Variants in CNOT10 observed in about 807,000 individuals in gnomAD.
CNOT10 encodes CCR4-NOT transcription complex, subunit 10.
In CNOT10, 30 loss-of-function variants were observed where a neutral mutation model predicts 94.6. The ratio of observed to expected loss-of-function variants is 0.32; its 90% CI spans 0.24 to 0.43. CNOT10 has a LOEUF of 0.43. Ranked by LOEUF, CNOT10 falls within the 20% of genes least tolerant of loss-of-function variation. The pLI is 1.00. For synonymous variants in CNOT10, 289 were observed against 301.6 expected (o/e 0.96, Z 0.43); for missense variants, 759 against 877.2 (o/e 0.87, Z 1.70).
intron 12 of CNOT10, among the ~76,000 whole-genome samples, chr3:32,735,223 C>G (rs1023567910): frequency 1.3e-5 from 2 of 152,122 alleles, no homozygotes; most frequent in Admixed American, 6.6e-5. Context: ...GACGCAGTGG[C>G]TCATGCCTGC....
rs561762648 is a variant in CNOT10, at chr3:32,754,022, C to T, written c.1596-5436C>T. ...CACCAAGGCAGGAGAATTGCTTGAACCCAGGAGGCGGAGGTTGCAGTGAGC... is the reference window on the plus strand; with the variant it reads ...CACCAAGGCAGGAGAATTGCTTGAATCCAGGAGGCGGAGGTTGCAGTGAGC... On this transcript the variant is annotated intron_variant, in intron 13 of 18. Transcript: ENST00000328834. 1.2e-5 allele frequency: 6 copies of T among 505,066 alleles called. No homozygotes were observed. In the South Asian group the frequency reaches 1.5e-4, roughly 13 times the overall value. The allele number at this position is 505,066 out of a possible 1,614,324, so 31.3% of individuals were successfully genotyped here.
At chr3:32,749,112 G>A (rs1243576227) in intron 13 of CNOT10, among the ~76,000 whole-genome samples, 4 of 152,128 alleles carry the variant, frequency 2.6e-5, no homozygotes, top group Admixed American at 6.5e-5. Context: ...ATGAGCCAAC[G>A]CATCCGGCCA....
At chr3:32,708,543 G>GT (rs1365211930) in intron 3 of CNOT10, 127 bp from the exon 4 acceptor site, 91 of 730,676 alleles carry the variant, frequency 1.2e-4, no homozygotes, top group Non-Finnish European at 1.8e-4. Context: ...TAAAGATACT[G>GT]TTGAAAGTAT....
chr3:32,768,650 G>A (rs1040736356), intron 17 of CNOT10, among the ~76,000 whole-genome samples: 15 of 152,116 alleles, frequency 9.9e-5, no homozygotes, highest in Non-Finnish European at 2.1e-4. Flanking sequence ...AGAAAGCTAG[G>A]CTTAGATATA....
Position 32,769,909 on chromosome 3 carries a change from A to G in CNOT10, c.2027A>G (p.Lys676Arg). The G allele has an allele frequency of 6.2e-7, 1 of 1,613,948 alleles. No individual in the cohort carries two copies. The highest frequency in any genetic ancestry group is 8.5e-7 in the Non-Finnish European group (1 of 1,179,920). ...LHQAASMIHP[K>R]EVPPEAILLA... ...AAGGCGGCTTCAATGATCCATCCTA[A>G]AGAGGTGCCCCCTGAGGCCATCTTG... Residue 676 changes from lysine (K) to arginine (R), a missense_variant, in exon 18 of 19, where the codon AAA (lysine) becomes AGA (arginine). Coordinates refer to ENST00000328834, the MANE Select transcript of CNOT10 (RefSeq NM_015442.3).
chr3:32,740,226 C>T (rs191633069), intron 13 of CNOT10, among the ~76,000 whole-genome samples: 7 of 151,970 alleles, frequency 4.6e-5, no homozygotes, highest in Admixed American at 1.3e-4. Context: ...TTTGGGAGGC[C>T]GAGGTGGGCG....
rs74334482 is a variant in CNOT10, at chr3:32,765,018, A to T, written c.2004+209A>T. 9.5e-6 allele frequency: 14 copies of T among 1,480,120 alleles called. No individual in the cohort carries two copies. The South Asian group carries it at 9.7e-5, about 10-fold the overall frequency. The allele number at this position is 1,480,120 out of a possible 1,614,324, so 91.7% of individuals were successfully genotyped here. On this transcript the variant is annotated intron_variant, in intron 17 of 18. Coordinates refer to ENST00000328834, the MANE Select transcript of CNOT10 (RefSeq NM_015442.3). ...ACTTAAAGGAAAGTTCTTCTTGATGATTTTATTTTAAAAAAAATTTTTTTT... is the reference window on the plus strand; with the variant it reads ...ACTTAAAGGAAAGTTCTTCTTGATGTTTTTATTTTAAAAAAAATTTTTTTT...
At chr3:32,739,366 A>G (rs568331612) in intron 13 of CNOT10, among the ~76,000 whole-genome samples, 2 of 151,970 alleles carry the variant, frequency 1.3e-5, no homozygotes, top group Non-Finnish European at 2.9e-5. Flanking sequence ...TTATTCTTCT[A>G]CTAACTCTGG....
chr3:32,737,466 GA>G lies in CNOT10; in HGVS notation c.1575del (p.Lys525AsnfsTer4). 2 of 1,610,182 alleles carry G rather than the reference GA, an allele frequency of 1.2e-6. No homozygotes were observed. The highest frequency in any genetic ancestry group is 1.7e-6 in the Non-Finnish European group (2 of 1,176,982). On this transcript the variant is annotated frameshift_variant, in exon 13 of 19. Transcript: ENST00000328834. LOFTEE classifies it high-confidence loss of function. ...FIPAPPSSPLRKQELENLKCS... is the reference protein window; with the variant it reads ...FIPAPPSSPLXKQELENLKCS... ...CCAGCTCCACCTTCTTCTCCATTGA[GA>G]AAACAGGAATTAGAAAACTTAAAGT...
intron 13 of CNOT10, among the ~76,000 whole-genome samples, chr3:32,747,282 C>T (rs1699741889): frequency 6.6e-6 from 1 of 151,680 alleles, no homozygotes; most frequent in Admixed American, 6.6e-5. Context: ...AGCGGGTGTA[C>T]TGGCGCATGC....
At chr3:32,724,692 G>A (rs1281307751) in intron 8 of CNOT10, among the ~76,000 whole-genome samples, 4 of 151,810 alleles carry the variant, frequency 2.6e-5, no homozygotes, top group Non-Finnish European at 4.4e-5. Flanking sequence ...GATTACAGGC[G>A]TGAGCCACTG....
At chr3:32,710,570 A>G (rs150757468) in intron 4 of CNOT10, among the ~76,000 whole-genome samples, 1 of 152,264 alleles carries the variant, frequency 6.6e-6, no homozygotes, top group African/African-American at 2.4e-5. Flanking sequence ...TATTCATTAT[A>G]GTATCATACA....
intron 1 of CNOT10, among the ~76,000 whole-genome samples, chr3:32,702,258 G>A (rs918932170): frequency 2.0e-5 from 3 of 152,156 alleles, no homozygotes; most frequent in Non-Finnish European, 4.4e-5. Context: ...ATCACGCCCA[G>A]CCAACAGTGA....
intron 15 of CNOT10, among the ~76,000 whole-genome samples, chr3:32,763,606 C>T (rs1373269774): frequency 4.6e-5 from 7 of 151,242 alleles, no homozygotes; most frequent in East Asian, 2.0e-4. Context: ...GCCAAGATCA[C>T]GCCACTGCAC....
chr3:32,704,737 A>G (rs1489975628), intron 2 of CNOT10, 74 bp from the exon 3 acceptor site: 1 of 1,432,982 alleles, frequency 7.0e-7, no homozygotes, highest in South Asian at 1.4e-5. Context: ...TGAATGAAAT[A>G]TATTTGGAAT....
intron 9 of CNOT10, among the ~76,000 whole-genome samples, chr3:32,726,909 T>C (rs1332930732): frequency 7.0e-6 from 1 of 143,650 alleles, no homozygotes; most frequent in Non-Finnish European, 1.5e-5. Context: ...TGCAGTGGCG[T>C]GATCTTGGCT....
intron 13 of CNOT10, among the ~76,000 whole-genome samples, chr3:32,749,059 T>C (rs942559715): frequency 6.6e-6 from 1 of 152,156 alleles, no homozygotes; most frequent in African/African-American, 2.4e-5. Context: ...TGACCTCAGG[T>C]GATCCACCTG....
intron 7 of CNOT10, among the ~76,000 whole-genome samples, chr3:32,718,477 G>A (rs1017337796): frequency 9.4e-5 from 14 of 149,696 alleles, no homozygotes; most frequent in African/African-American, 1.2e-4. Context: ...CCAGCTACTC[G>A]GGAGGCTGAG....
intron 1 of CNOT10, chr3:32,695,519 A>G: frequency 1.4e-6 from 2 of 1,470,896 alleles, no homozygotes; most frequent in African/African-American, 1.4e-5. Flanking sequence ...AACATTCTGT[A>G]TTGGAATGTG....
Sources: gnomAD v4.1 joint callset for allele counts (sites outside exome capture counted in the v4.1 genomes callset) on GRCh38, gnomAD v4.1.1 for gene constraint, MANE v1.5 for transcripts, NCBI Gene and HGNC (gene_info 2026-07-23, HGNC 2026-07-21) for gene names.